Variants in CYP4F11 observed in about 807,000 individuals in gnomAD.
The protein encoded by CYP4F11 is cytochrome P450 4F11.
Under a neutral mutation model 62.2 loss-of-function variants are expected in CYP4F11, and 79 were observed. That is an observed-to-expected ratio of 1.27 (90% confidence interval 1.06 to 1.53). CYP4F11 has a LOEUF of 1.53. Among genes scored for constraint, CYP4F11 ranks in the 40% most tolerant of loss-of-function variants. The probability of loss-of-function intolerance (pLI) is 0.00; values close to 1 mark genes in which losing one functional copy is unlikely to be tolerated. For missense variants in CYP4F11, 777 were observed against 680.5 expected (o/e 1.14, Z -1.58); for synonymous variants, 290 against 263.7 (o/e 1.10, Z -0.97).
Position 15,924,750 on chromosome 19 carries a change from A to C in CYP4F11, c.647+11T>G. The C allele has an allele frequency of 6.2e-7, 1 of 1,607,434 alleles. No individual in the cohort carries two copies. Among genetic ancestry groups the C allele is most frequent in the Non-Finnish European group, 8.5e-7 (1 of 1,175,740 alleles). ...CAGGCCCAAGTTCTCAGGTCCTAGG[A>C]AAGGACTCACTCCTGACAATTGCTT... On this transcript the variant is annotated intron_variant, in intron 5 of 11. Coordinates refer to ENST00000402119, the MANE Select transcript of CYP4F11 (RefSeq NM_021187.4).
intron 6 of CYP4F11, among the ~76,000 whole-genome samples, chr19:15,923,368 G>A (rs1004248164): frequency 1.3e-5 from 2 of 151,706 alleles, no homozygotes; most frequent in Non-Finnish European, 2.9e-5. Context: ...TATACTGTGG[G>A]GCCCCTCTCT....
intron 6 of CYP4F11, among the ~76,000 whole-genome samples, chr19:15,922,779 C>T (rs547537136): frequency 2.0e-5 from 3 of 152,150 alleles, no homozygotes; most frequent in Admixed American, 2.0e-4. Flanking sequence ...ATTGGCTGGG[C>T]GTAATGGCTC....
rs758039968 is a variant in CYP4F11, at chr19:15,927,349, C to T, written c.398-10G>A. On this transcript the variant is annotated splice_polypyrimidine_tract_variant and intron_variant, in intron 3 of 11. Transcript: ENST00000402119. ...AGCAGGAGCCCATCCCCTGGCAGGG[C>T]AACCAAGGACAGTGGTCAAGGGCAG... 6.2e-7 allele frequency: 1 copy of T among 1,613,848 alleles called. No homozygotes were observed. The highest frequency in any genetic ancestry group is 1.3e-5 in the African/African-American group (1 of 74,918).
Position 15,934,336 on chromosome 19 carries a change from C to G in CYP4F11, c.73G>C (p.Val25Leu), listed in dbSNP as rs1196468077. ...CGGGCCAGGAGCCAGGAGCCTCCAACCAGCAGCAGAAGCAGCCACGGGGAT... is the reference window on the plus strand; with the variant it reads ...CGGGCCAGGAGCCAGGAGCCTCCAAGCAGCAGCAGAAGCAGCCACGGGGAT... ...AASPWLLLLL[V>L]GGSWLLARVL... The change falls in exon 1 of 12, where the codon GTT becomes CTT. Residue 25 changes from valine (V) to leucine (L), a missense_variant. Coordinates refer to ENST00000402119, the MANE Select transcript of CYP4F11 (RefSeq NM_021187.4). The G allele has an allele frequency of 1.2e-6, 2 of 1,613,430 alleles. No homozygotes were observed. The highest frequency in any genetic ancestry group is 1.1e-5 in the South Asian group (1 of 91,050).
chr19:15,934,361 T>C lies in CYP4F11; in HGVS notation c.48A>G (p.Ala16=), dbSNP rs757581591. 14 of 1,613,204 alleles carry C rather than the reference T, an allele frequency of 8.7e-6. No homozygotes were observed. In the Admixed American group the frequency reaches 2.3e-4, roughly 27 times the overall value. Residue 16 remains alanine, a synonymous_variant, in exon 1 of 12, where the codon GCA becomes GCG. Transcript: ENST00000402119. ...CCAGCAGCAGAAGCAGCCACGGGGA[T>C]GCTGCCACGGGCCCGAGGCCCAGCC... ...LSWLGLGPVA[A]SPWLLLLLVG...
intron 4 of CYP4F11, 31 bp downstream of exon 4, chr19:15,927,181 C>T (rs2089675134): frequency 1.9e-6 from 3 of 1,608,366 alleles, no homozygotes; most frequent in Non-Finnish European, 2.5e-6. Flanking sequence ...CCCCAAGGCT[C>T]CAGCTGGGAC....
intron 8 of CYP4F11, among the ~76,000 whole-genome samples, chr19:15,919,909 G>T (rs547769622): frequency 2.0e-3 from 298 of 152,266 alleles, no homozygotes; most frequent in Non-Finnish European, 3.4e-3. Context: ...GAAAATGGTG[G>T]TTGCCAGAGG....
intron 8 of CYP4F11, among the ~76,000 whole-genome samples, chr19:15,918,967 C>G (rs1174380596): frequency 6.7e-6 from 1 of 149,980 alleles, no homozygotes; most frequent in South Asian, 2.1e-4. Flanking sequence ...GACACACTGT[C>G]GAGTGGCAAA....
intron 2 of CYP4F11, 21 bp from the exon 3 acceptor site, chr19:15,927,504 CAGTGGCCAT>C: frequency 6.2e-7 from 1 of 1,612,890 alleles, no homozygotes; most frequent in Non-Finnish European, 8.5e-7. Flanking sequence ...TGAGGACCAT[CAGTGGCCAT>C]GGAGAGGGGT....
At chr19:15,926,396 C>T (rs762970989) in intron 4 of CYP4F11, among the ~76,000 whole-genome samples, 1 of 152,204 alleles carries the variant, frequency 6.6e-6, no homozygotes, top group Non-Finnish European at 1.5e-5. Flanking sequence ...GAAGTATTAA[C>T]AAAACTAGCT....
In CYP4F11 at chr19:15,914,528, T is replaced by C. The variant is rs961380924; in HGVS notation, c.1314+74A>G. On this transcript the variant is annotated intron_variant, in intron 10 of 11. Coordinates refer to ENST00000402119, the MANE Select transcript of CYP4F11 (RefSeq NM_021187.4). ...GAGGAGAGGTGATGTTGGATTTTCC[T>C]GGTCAAAACCCTGTCACCTCCTCTA... is the stretch of plus-strand genomic sequence containing the variant. The C allele has an allele frequency of 1.1e-5, 18 of 1,588,116 alleles. 1 individual carries two copies. The highest frequency in any genetic ancestry group is 2.6e-6 in the Non-Finnish European group (3 of 1,158,158).
intron 1 of CYP4F11, among the ~76,000 whole-genome samples, chr19:15,931,781 T>C (rs376686483): frequency 5.3e-3 from 75 of 14,118 alleles, no homozygotes; most frequent in Middle Eastern, 0.036. Flanking sequence ...AATGAGTGAG[T>C]GAGGAGAGGA....
At position 15,934,451 on chromosome 19, in the gene CYP4F11, G is replaced by A. The variant is rs2089761955; in HGVS notation, c.-43C>T. 6.2e-7 allele frequency: 1 copy of A among 1,605,082 alleles called. No individual in the cohort carries two copies. The highest frequency in any genetic ancestry group is 1.7e-5 in the Admixed American group (1 of 57,990). ...ATGGAGGGTGGGATCCTGAGGCCCA[G>A]GGAAGGGCCCAGGAAGCTCCAAGGA... is the stretch of plus-strand genomic sequence containing the variant. On this transcript the variant is annotated 5_prime_UTR_variant, in exon 1 of 12. Transcript: ENST00000402119.
intron 8 of CYP4F11, among the ~76,000 whole-genome samples, chr19:15,920,266 A>G (rs1361539314): frequency 6.6e-6 from 1 of 152,228 alleles, no homozygotes; most frequent in Non-Finnish European, 1.5e-5. Context: ...TGAGAAAAAC[A>G]GAAGATGGTA....
rs1265497947 is a variant in CYP4F11, at chr19:15,912,776, TATATATATATATA to T, written c.*943_*955del. On this transcript the variant is annotated 3_prime_UTR_variant, in exon 12 of 12. Coordinates refer to ENST00000402119, the MANE Select transcript of CYP4F11 (RefSeq NM_021187.4). Reference sequence around the variant, plus strand: ...GTGTGTGTGTGTGTGTGTGTGTATATATATATATATATAATATATATATATATATACATATCTT... The same window carrying T: ...GTGTGTGTGTGTGTGTGTGTGTATATATATATATATATATATACATATCTT... The T allele has an allele frequency of 0.029, 1,174 of 39,800 alleles. 128 individuals carry two copies. The highest frequency in any genetic ancestry group is 0.1 in the African/African-American group (1,113 of 10,820). The allele number at this position is 39,800 out of a possible 1,614,324, so 2.5% of individuals were successfully genotyped here.
chr19:15,920,800 G>A (rs1209280670), intron 8 of CYP4F11, among the ~76,000 whole-genome samples: 1 of 151,666 alleles, frequency 6.6e-6, no homozygotes, highest in Non-Finnish European at 1.5e-5. Context: ...TTTTTTCCAT[G>A]TATTCCACAC....
intron 2 of CYP4F11, among the ~76,000 whole-genome samples, chr19:15,928,736 G>A (rs2089688016): frequency 6.6e-6 from 1 of 152,182 alleles, no homozygotes; most frequent in Non-Finnish European, 1.5e-5. Flanking sequence ...TTCAAGCACA[G>A]GATGAGCAGA....
Position 15,913,878 on chromosome 19 carries a change from C to A in CYP4F11, c.1429G>T (p.Glu477Ter). ...GTGAGCGCCAGGACCACCTTCATCT[C>A]AGCCATGGCGAACGCCTGCCCGATG... is the stretch of plus-strand genomic sequence containing the variant. Reference protein sequence around the residue: ...NCIGQAFAMAEMKVVLALTLL... With the variant: ...NCIGQAFAMA The change falls in exon 12 of 12, where the codon GAG becomes TAG. Residue 477 changes from glutamate to a stop codon, truncating the protein, a stop_gained. Coordinates refer to ENST00000402119, the MANE Select transcript of CYP4F11 (RefSeq NM_021187.4). LOFTEE classifies it high-confidence loss of function. 1 of 1,614,022 alleles carries A rather than the reference C, an allele frequency of 6.2e-7. No homozygotes were observed. Among genetic ancestry groups the A allele is most frequent in the Non-Finnish European group, 8.5e-7 (1 of 1,179,964 alleles).
At chr19:15,934,629 G>C, upstream of CYP4F11, 3 of 529,346 alleles carry the variant, frequency 5.7e-6, no homozygotes, top group Non-Finnish European at 9.7e-6. Flanking sequence ...AAGAGAGAGA[G>C]AGGCTGATTA....
Sources: allele counts gnomAD v4.1 joint callset (sites outside exome capture counted in the v4.1 genomes callset), GRCh38; gene constraint gnomAD v4.1.1; transcripts MANE v1.5; gene names NCBI Gene and HGNC (gene_info 2026-07-23, HGNC 2026-07-21).